SRRM2: variants seen among roughly 807,000 people sequenced by gnomAD.
The protein encoded by SRRM2 is serine/arginine repetitive matrix 2, also known as serine/arginine repetitive matrix protein 2.
A neutral mutation model predicts 213.8 loss-of-function variants in SRRM2; 30 were observed. The observed-to-expected ratio is 0.14, with a 90% CI of 0.10 to 0.19. The LOEUF (loss-of-function observed/expected upper bound fraction) is 0.19, where lower values mean the gene tolerates loss of function less well. Ranked by LOEUF, SRRM2 falls within the 10% of genes least tolerant of loss-of-function variation. The pLI is 1.00. For synonymous variants in SRRM2, 2,025 were observed against 1,377.7 expected, an observed-to-expected ratio of 1.47 and a Z score of -10.40; for missense variants, 4,904 against 3,647.0, an observed-to-expected ratio of 1.34 and a Z score of -8.88.
In SRRM2 at chr16:2,766,943, C is replaced by T. The variant is rs775694559; in HGVS notation, c.6415C>T (p.Leu2139Phe). The change falls in exon 11 of 15, where the codon CTT becomes TTT. Residue 2139 changes from leucine (L) to phenylalanine (F), a missense_variant. Leu to Phe is a conservative substitution (Grantham distance 22). Coordinates refer to ENST00000301740, the MANE Select transcript of SRRM2 (RefSeq NM_016333.4). The surrounding 1 kb of genome is among the most constrained non-coding windows in gnomAD (Gnocchi z 7.0). ...RCRSPGMLEP[L>F]GSSRTPMSVL... ...CAGATCACCTGGAATGCTTGAACCCCTTGGCAGCTCTAGAACACCCATGTC... is the reference window on the plus strand; with the variant it reads ...CAGATCACCTGGAATGCTTGAACCCTTTGGCAGCTCTAGAACACCCATGTC... 22 of 1,614,152 alleles carry T rather than the reference C, an allele frequency of 1.4e-5. No individual in the cohort carries two copies. Among genetic ancestry groups the T allele is most frequent in the Non-Finnish European group, 1.4e-5 (17 of 1,180,042 alleles).
intron 1 of SRRM2, chr16:2,753,314 C>G (rs2150767814): frequency 6.6e-6 from 1 of 152,420 alleles, no homozygotes; most frequent in East Asian, 1.9e-4. Flanking sequence ...GGGGGCCTCC[C>G]AGACTGCGGG....
Position 2,770,922 on chromosome 16 carries a change from C to CCT in SRRM2, c.*56_*57dup, listed in dbSNP as rs2068724116. 1.2e-6 allele frequency: 2 copies of CCT among 1,610,432 alleles called. No homozygotes were observed. Among genetic ancestry groups the CCT allele is most frequent in the African/African-American group, 2.7e-5 (2 of 74,860 alleles). On this transcript the variant is annotated 3_prime_UTR_variant, in exon 15 of 15. Transcript: ENST00000301740. The stretch of plus-strand genomic sequence containing the variant: ...ATGCTCTGGAGCCACAAGGAGTGTC[C>CCT]CTTCTTCCCCAGCAGAGCCGTGGGA...
intron 12 of SRRM2, chr16:2,769,585 C>T (rs1371571199): frequency 1.7e-5 from 11 of 637,300 alleles, no homozygotes; most frequent in Non-Finnish European, 3.2e-5. Context: ...ACTGCCAGGG[C>T]TCTGGTCTGG....
In SRRM2 at chr16:2,769,174, C is replaced by T. The variant is rs771123740; in HGVS notation, c.7911C>T (p.Ser2637=). Residue 2637 remains serine, a synonymous_variant, in exon 12 of 15, where the codon TCC becomes TCT. Transcript: ENST00000301740. ...CCTCCTCTTCCTCTTCTTCTTCTTC[C>T]TCCTCATCTTCCTCCTCCTCGTCGT... ...SSSSSSSSSS[S]SSSSSSSSSS... 7.5e-6 allele frequency: 12 copies of T among 1,610,734 alleles called. No homozygotes were observed. The highest frequency in any genetic ancestry group is 1.7e-5 in the Admixed American group (1 of 59,798).
In SRRM2 at chr16:2,769,144, TTCC is replaced by T. The variant is rs777233447; in HGVS notation, c.7890_7892del (p.Ser2648del). 49 of 1,608,660 alleles carry T rather than the reference TTCC, an allele frequency of 3.0e-5. 2 individuals carry two copies. The highest frequency in any genetic ancestry group is 1.6e-4 in the South Asian group (15 of 90,928). On this transcript the variant is annotated inframe_deletion, in exon 12 of 15. Coordinates refer to ENST00000301740, the MANE Select transcript of SRRM2 (RefSeq NM_016333.4). ...CCTCCTCCTCCTCCTCCTCCTCTTC[TTCC>T]TCCTCCTCTTCCTCTTCTTCTTCTT...
In SRRM2 at chr16:2,762,797, A is replaced by C. The variant is rs376096608; in HGVS notation, c.2269A>C (p.Arg757=). The change falls in exon 11 of 15, where the codon AGG becomes CGG. Residue 757 remains arginine (R), a synonymous_variant. Coordinates refer to ENST00000301740, the MANE Select transcript of SRRM2 (RefSeq NM_016333.4). ...PEMKKSRISS[R]RSRSLSSPRS... ...AATGAAGAAATCTCGCATTTCTTCA[A>C]GGCGGAGCAGGTCTCTCTCTTCACC... 5.5e-5 allele frequency: 88 copies of C among 1,614,030 alleles called. No individual in the cohort carries two copies. The highest frequency in any genetic ancestry group is 1.7e-5 in the Admixed American group (1 of 60,002).
Position 2,765,684 on chromosome 16 carries a change from G to C in SRRM2, c.5156G>C (p.Arg1719Thr). Residue 1719 changes from arginine (R) to threonine (T), a missense_variant, in exon 11 of 15, where the codon AGA becomes ACA. Transcript: ENST00000301740. ...TCATCCTCACCAGAAACTCGCTCTAGAACTCCCCCAAGGCACCGGAGAAGT... is the reference window on the plus strand; with the variant it reads ...TCATCCTCACCAGAAACTCGCTCTACAACTCCCCCAAGGCACCGGAGAAGT... ...SASSSPETRS[R>T]TPPRHRRSPS... is the part of the protein sequence containing the mutation. The C allele has an allele frequency of 1.2e-6, 2 of 1,614,096 alleles. No homozygotes were observed. Among genetic ancestry groups the C allele is most frequent in the South Asian group, 2.2e-5 (2 of 91,070 alleles).
At chr16:2,758,808 T>C (rs1338137807) in intron 5 of SRRM2, 177 bp from the exon 6 acceptor site, 1 of 737,590 alleles carries the variant, frequency 1.4e-6, no homozygotes, top group East Asian at 2.7e-5. Context: ...TTTGTTGACT[T>C]AAGGAGTTAC....
Position 2,761,975 on chromosome 16 carries a change from A to T in SRRM2, c.1447A>T (p.Arg483Trp). The change falls in exon 11 of 15, where the codon AGG becomes TGG. Residue 483 changes from arginine (R) to tryptophan (W), a missense_variant. Arg to Trp is a moderately radical substitution (Grantham distance 101, BLOSUM62 -3). Transcript: ENST00000301740. Reference protein sequence around the residue: ...HSHTPSRRMGRSRSPATAKRG... With the variant: ...HSHTPSRRMGWSRSPATAKRG... ...TCATACCCCCTCCCGTAGGATGGGG[A>T]GGTCCCGTAGCCCTGCCACCGCTAA... 1 of 1,614,030 alleles carries T rather than the reference A, an allele frequency of 6.2e-7. No individual in the cohort carries two copies. The highest frequency in any genetic ancestry group is 8.5e-7 in the Non-Finnish European group (1 of 1,179,990).
In SRRM2 at chr16:2,766,068, C is replaced by G; in HGVS notation, c.5540C>G (p.Thr1847Ser). ...RRRGRSRTPP[T>S]SRKRSRSRTS... is the part of the protein sequence containing the mutation. ...AGAGGCCGCTCTCGGACACCCCCAA[C>G]CAGTCGGAAGCGTTCTCGCTCACGC... The change falls in exon 11 of 15, where the codon ACC becomes AGC. Residue 1847 changes from threonine to serine, a missense_variant. Thr to Ser is a moderately conservative substitution (Grantham distance 58, BLOSUM62 1). Transcript: ENST00000301740. This position sits in a 1 kb window ranked among gnomAD's most constrained non-coding sequence, Gnocchi z 7.0. The G allele has an allele frequency of 1.2e-6, 2 of 1,614,188 alleles. No individual in the cohort carries two copies. Among genetic ancestry groups the G allele is most frequent in the Non-Finnish European group, 1.7e-6 (2 of 1,180,044 alleles).
At chr16:2,756,705 G>A in intron 2 of SRRM2, 99 bp downstream of exon 2, 2 of 1,482,782 alleles carry the variant, frequency 1.3e-6, no homozygotes, top group Admixed American at 2.3e-5. Context: ...AAAGAGGCCT[G>A]GCAAAGAGTT....
At chr16:2,768,480 A>G (rs2068623007) in intron 11 of SRRM2, 3 of 684,572 alleles carry the variant, frequency 4.4e-6, no homozygotes, top group East Asian at 5.5e-5. Context: ...TCTAGAGGAT[A>G]ATGATAAGTT....
chr16:2,770,238 G>T, intron 12 of SRRM2, 114 bp from the exon 13 acceptor site: 1 of 1,461,210 alleles, frequency 6.8e-7, no homozygotes, highest in Non-Finnish European at 9.1e-7. Context: ...GTGGGTCTGA[G>T]GCTGGCCCTG....
At position 2,763,084 on chromosome 16, in the gene SRRM2, A is replaced by G; in HGVS notation, c.2556A>G (p.Gln852=). The G allele has an allele frequency of 6.2e-7, 1 of 1,614,144 alleles. No individual in the cohort carries two copies. Among genetic ancestry groups the G allele is most frequent in the Non-Finnish European group, 8.5e-7 (1 of 1,180,018 alleles). ...TGAAATCTGGAACACCACCGAGGCA[A>G]GGGTCCATAACAAGTCCCCAGGCCA... ...PKVKSGTPPR[Q]GSITSPQANE... Residue 852 remains glutamine, a synonymous_variant, in exon 11 of 15, where the codon CAA becomes CAG. Coordinates refer to ENST00000301740, the MANE Select transcript of SRRM2 (RefSeq NM_016333.4).
Position 2,759,580 on chromosome 16 carries a change from C to T in SRRM2, c.752C>T (p.Thr251Ile). Residue 251 changes from threonine to isoleucine, a missense_variant, in exon 9 of 15, where the codon ACA (threonine) becomes ATA (isoleucine). By Grantham distance (89) the Thr-to-Ile change is moderately conservative. Coordinates refer to ENST00000301740, the MANE Select transcript of SRRM2 (RefSeq NM_016333.4). ...KDKKRKRSRS[T>I]TPAPKSRRAH... is the part of the protein sequence containing the mutation. ...TGGTCTTCCTTCAGGTCTCGAAGTA[C>T]AACACCAGCCCCCAAGAGCCGCCGG... 6.2e-7 allele frequency: 1 copy of T among 1,614,160 alleles called. No homozygotes were observed. Among genetic ancestry groups the T allele is most frequent in the Non-Finnish European group, 8.5e-7 (1 of 1,180,024 alleles).
rs1178885696 is a variant in SRRM2, at chr16:2,763,809, C to A, written c.3281C>A (p.Pro1094His). ...PSLQSKSQTS[P>H]KGGRSRSSSP... is the part of the protein sequence containing the mutation. ...CTGCAGAGCAAATCTCAAACATCACCTAAGGGAGGTCGGTCCAGGTCTTCA... is the reference window on the plus strand; with the variant it reads ...CTGCAGAGCAAATCTCAAACATCACATAAGGGAGGTCGGTCCAGGTCTTCA... Residue 1094 changes from proline (P) to histidine (H), a missense_variant, in exon 11 of 15, where the codon CCT becomes CAT. Coordinates refer to ENST00000301740, the MANE Select transcript of SRRM2 (RefSeq NM_016333.4). 14 of 1,614,210 alleles carry A rather than the reference C, an allele frequency of 8.7e-6. No individual in the cohort carries two copies. The highest frequency in any genetic ancestry group is 1.2e-5 in the Non-Finnish European group (14 of 1,180,046).
chr16:2,760,160 T>C, intron 9 of SRRM2, 141 bp from the exon 10 acceptor site: 1 of 761,648 alleles, frequency 1.3e-6, no homozygotes, highest in South Asian at 1.7e-5. Flanking sequence ...TTTCAGTGAA[T>C]GATTTGAGTT....
In SRRM2 at chr16:2,764,630, T is replaced by C. The variant is rs1438015384; in HGVS notation, c.4102T>C (p.Ser1368Pro). The change falls in exon 11 of 15, where the codon TCT becomes CCT. Residue 1368 changes from serine (S) to proline (P), a missense_variant. By Grantham distance (74) the Ser-to-Pro change is moderately conservative (BLOSUM62 -1). Transcript: ENST00000301740. ...TCTTAATCAGCTGGAAACAGATCCA[T>C]CTCTAGACATGAAAGAACAATCGAC... ...PFLNQLETDPSLDMKEQSTRS... is the reference protein window; with the variant it reads ...PFLNQLETDPPLDMKEQSTRS... 2 of 1,614,154 alleles carry C rather than the reference T, an allele frequency of 1.2e-6. No individual in the cohort carries two copies. The highest frequency in any genetic ancestry group is 1.1e-5 in the South Asian group (1 of 91,084).
chr16:2,753,955 C>T (rs3112681), intron 1 of SRRM2, among the ~76,000 whole-genome samples: 147,885 of 152,288 alleles, frequency 0.97, 72,100 homozygotes, highest in African/African-American at 0.99. Context: ...CTGTTGAATT[C>T]AAATATATCT....
Sources: allele counts gnomAD v4.1 joint callset (sites outside exome capture counted in the v4.1 genomes callset), GRCh38; gene constraint gnomAD v4.1.1; non-coding constraint Gnocchi (gnomAD v3.1); transcripts MANE v1.5; gene names NCBI Gene and HGNC (gene_info 2026-07-23, HGNC 2026-07-21).